SLC26A7: variants seen among roughly 807,000 people sequenced by gnomAD.
The protein encoded by SLC26A7 is anion exchange transporter.
In SLC26A7, 59 loss-of-function variants were observed where a neutral mutation model predicts 82.5. That is an observed-to-expected ratio of 0.72 (90% CI 0.58 to 0.89). SLC26A7 has a LOEUF of 0.89. Among genes scored for constraint, SLC26A7 ranks in the 40% least tolerant of loss-of-function variants. The probability of loss-of-function intolerance (pLI) is 0.00; values close to 1 mark genes in which losing one functional copy is unlikely to be tolerated. For synonymous variants in SLC26A7, 271 were observed against 274.3 expected (o/e 0.99, Z 0.12); for missense variants, 820 against 793.0 (o/e 1.03, Z -0.41).
chr8:91,391,609 C>T lies in SLC26A7; in HGVS notation c.1776+2171C>T, dbSNP rs182787638. ...TCTTCACAGGAGGGCCTCTTGTATT[C>T]GGCATTTTTATTTACTCTATGTTCC... On this transcript the variant is annotated intron_variant, in intron 16 of 18. Transcript: ENST00000276609. Among the ~76,000 whole-genome samples the T allele has an allele frequency of 8.0e-4, 121 of 152,182 alleles. 2 individuals carry two copies. The East Asian group carries it at 0.018, about 22-fold the overall frequency.
chr8:91,340,721 A>C (rs1442241171), intron 8 of SLC26A7, 170 bp downstream of exon 8: 1 of 723,126 alleles, frequency 1.4e-6, no homozygotes, highest in East Asian at 2.9e-5. Flanking sequence ...GAAGCTAAAA[A>C]CCTGACATTG....
intron 4 of SLC26A7, among the ~76,000 whole-genome samples, chr8:91,299,262 A>G (rs886509547): frequency 2.0e-5 from 3 of 151,964 alleles, no homozygotes; most frequent in Non-Finnish European, 2.9e-5. Context: ...TGGCAGTTGT[A>G]CTTTGACTTT....
At chr8:91,274,915 G>A (rs1811366897) in intron 2 of SLC26A7, among the ~76,000 whole-genome samples, 1 of 152,122 alleles carries the variant, frequency 6.6e-6, no homozygotes, top group Non-Finnish European at 1.5e-5. Context: ...TCTTTTTTAA[G>A]GGCAGTCTCT....
At chr8:91,289,317 C>T (rs1294005262) in intron 3 of SLC26A7, 71 bp downstream of exon 3, 14 of 1,192,008 alleles carry the variant, frequency 1.2e-5, no homozygotes, top group Non-Finnish European at 1.7e-5. Flanking sequence ...CTGATTACAT[C>T]TCCTTAGCAG....
Position 91,275,026 on chromosome 8 carries a change from T to G in SLC26A7, c.194-14110T>G, listed in dbSNP as rs372632126. Among the ~76,000 whole-genome samples the G allele has an allele frequency of 6.6e-5, 10 of 152,310 alleles. No individual in the cohort carries two copies. In the East Asian group the frequency reaches 7.7e-4, roughly 12 times the overall value. ...CCATTCAACATCTGCAGGTACTCTATGCATAAATGCGCATATATTCCGTCT... is the reference window on the plus strand; with the variant it reads ...CCATTCAACATCTGCAGGTACTCTAGGCATAAATGCGCATATATTCCGTCT... On this transcript the variant is annotated intron_variant, in intron 2 of 18. Transcript: ENST00000276609.
chr8:91,300,624 C>G (rs1271866006), intron 4 of SLC26A7, among the ~76,000 whole-genome samples: 3 of 152,132 alleles, frequency 2.0e-5, no homozygotes, highest in African/African-American at 2.4e-5. Context: ...GTCTCGATCT[C>G]CTGACCTCGT....
chr8:91,274,160 A>G (rs1811344947), intron 2 of SLC26A7, among the ~76,000 whole-genome samples: 2 of 152,208 alleles, frequency 1.3e-5, no homozygotes, highest in Non-Finnish European at 2.9e-5. Context: ...ATCTAGTACA[A>G]AGGAAATGTT....
chr8:91,389,525 C>A (rs900034269), intron 16 of SLC26A7, 87 bp downstream of exon 16: 6 of 943,890 alleles, frequency 6.4e-6, no homozygotes, highest in Non-Finnish European at 1.0e-5. Context: ...TAGTCTTGAG[C>A]CTGCTTGTTG....
At chr8:91,331,092 C>T (rs564808316) in intron 5 of SLC26A7, among the ~76,000 whole-genome samples, 2 of 152,142 alleles carry the variant, frequency 1.3e-5, no homozygotes, top group African/African-American at 4.8e-5. Flanking sequence ...TCTTCTCAGT[C>T]ATTTTGGATT....
chr8:91,374,730 G>A (rs1019752858), intron 15 of SLC26A7, among the ~76,000 whole-genome samples: 1 of 152,026 alleles, frequency 6.6e-6, no homozygotes, highest in Non-Finnish European at 1.5e-5. Flanking sequence ...ATGTTCTGTA[G>A]CTGTCTATTA....
chr8:91,279,527 G>A lies in SLC26A7; in HGVS notation c.194-9609G>A, dbSNP rs186473900. ...CTATATCACATTGTGGTTTTAATTT[G>A]TATTTCCCTAATGATTAGTGTTGTT... On this transcript the variant is annotated intron_variant, in intron 2 of 18. Coordinates refer to ENST00000276609, the MANE Select transcript of SLC26A7 (RefSeq NM_052832.4). 2.0e-5 allele frequency among the ~76,000 whole-genome samples: 3 copies of A among 152,074 alleles called. No homozygotes were observed. The East Asian group carries it at 5.8e-4, about 29-fold the overall frequency.
rs772490660 is a variant in SLC26A7, at chr8:91,369,810, C to T, written c.1652C>T (p.Ser551Phe). The change falls in exon 15 of 19, where the codon TCC becomes TTC. Residue 551 changes from serine to phenylalanine, a missense_variant. Physicochemically the swap from Ser to Phe is radical, Grantham distance 155. Transcript: ENST00000276609. ...SKCEQNTLLN[S>F]LSNGNCNEEA... is the part of the protein sequence containing the mutation. ...TGTGAACAAAACACATTGCTTAATT[C>T]CCTATCCAATGGCAACTGCAATGGT... 7.5e-6 allele frequency: 12 copies of T among 1,600,112 alleles called. No individual in the cohort carries two copies. The highest frequency in any genetic ancestry group is 1.0e-5 in the Non-Finnish European group (12 of 1,173,698).
intron 2 of SLC26A7, among the ~76,000 whole-genome samples, chr8:91,271,590 CTTT>C (rs67904308): frequency 0.082 from 9,301 of 112,832 alleles, 248 homozygotes; most frequent in African/African-American, 0.17. Context: ...CTAGAGAAAT[CTTT>C]TTTTTTTTTT....
At chr8:91,265,644 T>G (rs1811090669) in intron 2 of SLC26A7, among the ~76,000 whole-genome samples, 1 of 152,186 alleles carries the variant, frequency 6.6e-6, no homozygotes, top group African/African-American at 2.4e-5. Context: ...TGAAAATCAC[T>G]GATGTTGAGC....
rs1808599988 is a variant in SLC26A7 at position 91,397,408 on chromosome 8, C to T, written c.*2311C>T. The T allele has an allele frequency of 6.6e-6, 1 of 152,440 alleles. No individual in the cohort carries two copies. 9.4% of individuals were successfully genotyped at this position (152,440 alleles called of 1,614,324 possible). On this transcript the variant is annotated 3_prime_UTR_variant, in exon 19 of 19. Coordinates refer to ENST00000276609, the MANE Select transcript of SLC26A7 (RefSeq NM_052832.4). The stretch of plus-strand genomic sequence containing the variant: ...CTTGATGCTGGATTGTTTCTAGAGT[C>T]ACAATGAATTATTTTTATGAGATTA...
chr8:91,254,822 G>A (rs2130704315), intron 2 of SLC26A7, among the ~76,000 whole-genome samples: 1 of 152,198 alleles, frequency 6.6e-6, no homozygotes, highest in South Asian at 2.1e-4. Context: ...GTAACATCAT[G>A]TAAGAGCCTT....
chr8:91,239,396 AT>A (rs375918434), intron 2 of SLC26A7, among the ~76,000 whole-genome samples: 9,986 of 105,270 alleles, frequency 0.095, 591 homozygotes, highest in East Asian at 0.23. Flanking sequence ...AAAAAAAAAA[AT>A]ATATATATAT....
chr8:91,300,817 C>G (rs1812146897), intron 4 of SLC26A7, among the ~76,000 whole-genome samples: 1 of 152,152 alleles, frequency 6.6e-6, no homozygotes, highest in African/African-American at 2.4e-5. Context: ...GCATTCTTGC[C>G]CTTTCATGAG....
At chr8:91,222,684 C>T (rs1810177472) in intron 2 of SLC26A7, among the ~76,000 whole-genome samples, 1 of 152,154 alleles carries the variant, frequency 6.6e-6, no homozygotes, top group African/African-American at 2.4e-5. Flanking sequence ...TTGAACCAGC[C>T]TTGCATCCCA....
Sources: allele counts gnomAD v4.1 joint callset (sites outside exome capture counted in the v4.1 genomes callset), GRCh38; gene constraint gnomAD v4.1.1; transcripts MANE v1.5; gene names NCBI Gene and HGNC (gene_info 2026-07-23, HGNC 2026-07-21).